Variants in CEP85 observed in about 807,000 individuals in gnomAD.
The protein encoded by CEP85 is centrosomal protein of 85 kDa.
A neutral mutation model predicts 93.7 loss-of-function variants in CEP85; 58 were observed. The observed-to-expected ratio is 0.62, with a 90% confidence interval of 0.50 to 0.77. CEP85 has a LOEUF of 0.77. Ranked by LOEUF, CEP85 falls within the 30% of genes least tolerant of loss-of-function variation. CEP85 has a pLI of 0.00. For synonymous variants in CEP85, 314 were observed against 338.6 expected (o/e 0.93, Z 0.80); for missense variants, 868 against 922.0 (o/e 0.94, Z 0.76).
chr1:26,238,456 A>G (rs2124554553), intron 1 of CEP85, among the ~76,000 whole-genome samples: 1 of 152,048 alleles, frequency 6.6e-6, no homozygotes, highest in Middle Eastern at 3.4e-3. Context: ...TCGGCCTCCC[A>G]AAGTGCTGGG....
chr1:26,271,985 G>C, intron 10 of CEP85, 36 bp from the exon 11 acceptor site: 1 of 1,610,830 alleles, frequency 6.2e-7, no homozygotes, highest in South Asian at 1.1e-5. Context: ...CGTCAGCCTT[G>C]TGCTCGCAGC....
chr1:26,256,800 T>C (rs185133698), intron 4 of CEP85, among the ~76,000 whole-genome samples: 129 of 151,856 alleles, frequency 8.5e-4, no homozygotes, highest in Non-Finnish European at 1.5e-3. Flanking sequence ...GGTTTCACCA[T>C]GCTGGCCCGC....
intron 7 of CEP85, among the ~76,000 whole-genome samples, chr1:26,264,940 C>T (rs981681602): frequency 6.6e-6 from 1 of 150,444 alleles, no homozygotes; most frequent in African/African-American, 2.5e-5. Context: ...CCTCAGCTAC[C>T]TGAGTAGCTG....
intron 7 of CEP85, among the ~76,000 whole-genome samples, chr1:26,267,039 A>G (rs1191198208): frequency 6.6e-6 from 1 of 152,202 alleles, no homozygotes; most frequent in Non-Finnish European, 1.5e-5. Flanking sequence ...TCAGATGCAC[A>G]CCATCTGGAG....
At chr1:26,254,870 A>G (rs2089671571) in intron 3 of CEP85, 1 of 344,934 alleles carries the variant, frequency 2.9e-6, no homozygotes, top group Non-Finnish European at 5.2e-6. Flanking sequence ...TTTTTAAAAA[A>G]CTTTTTAAAA....
intron 8 of CEP85, 164 bp from the exon 9 acceptor site, chr1:26,269,296 T>G: frequency 1.6e-6 from 1 of 634,432 alleles, no homozygotes; most frequent in Non-Finnish European, 2.8e-6. Context: ...TTCTCACCAT[T>G]GTTCCATCTG....
At chr1:26,250,925 C>CCTTTTTTTTTTTTTTTTTTTT (rs2089598435) in intron 3 of CEP85, among the ~76,000 whole-genome samples, 4 of 55,160 alleles carry the variant, frequency 7.3e-5, no homozygotes, top group African/African-American at 2.3e-4. Context: ...TTTTTTTTTT[C>CCTTTTTTTTTTTTTTTTTTTT]TTTTTTCTTT....
intron 3 of CEP85, among the ~76,000 whole-genome samples, chr1:26,253,927 C>G (rs151321002): frequency 1.3e-5 from 2 of 151,678 alleles, no homozygotes; most frequent in Non-Finnish European, 2.9e-5. Context: ...CTGGGGAGGT[C>G]GAGGCTGCAG....
In CEP85 at chr1:26,259,530, T is replaced by C. The variant is rs981061010; in HGVS notation, c.1156-87T>C. ...AAGAGATTCTTGGAGAAAAATGATA[T>C]TTGACCGTGAAGTATGCTGGGAATA... is the stretch of plus-strand genomic sequence containing the variant. On this transcript the variant is annotated intron_variant, in intron 6 of 13. Transcript: ENST00000451429. 8.8e-6 allele frequency: 11 copies of C among 1,246,582 alleles called. No homozygotes were observed. In the East Asian group the frequency reaches 1.5e-4, roughly 16 times the overall value. The allele number at this position is 1,246,582 out of a possible 1,614,324, so 77.2% of individuals were successfully genotyped here.
chr1:26,276,784 G>T (rs577484582), intron 13 of CEP85, 24 bp downstream of exon 13: 9 of 1,577,564 alleles, frequency 5.7e-6, no homozygotes, highest in Admixed American at 1.7e-5. Flanking sequence ...CCAGTCTGGG[G>T]CCCAGGAAGG....
chr1:26,239,825 C>T lies in CEP85; in HGVS notation c.42C>T (p.His14=), dbSNP rs201779964. The T allele has an allele frequency of 1.4e-5, 22 of 1,613,270 alleles. No homozygotes were observed. Among genetic ancestry groups the T allele is most frequent in the South Asian group, 5.5e-5 (5 of 91,072 alleles). ...QEKYPTEGIS[H]VTSPSSDVIQ... ...AATATCCAACTGAGGGGATCTCTCA[C>T]GTCACTTCACCGAGTGAGTAGTCAG... The change falls in exon 2 of 14, where the codon CAC becomes CAT. Residue 14 remains histidine (H), a synonymous_variant. Transcript: ENST00000451429.
chr1:26,235,296 T>A (rs2089307922), intron 1 of CEP85, among the ~76,000 whole-genome samples: 1 of 152,172 alleles, frequency 6.6e-6, no homozygotes, highest in South Asian at 2.1e-4. Context: ...CCAGGCCTCA[T>A]TTATTTGCCC....
intron 9 of CEP85, among the ~76,000 whole-genome samples, chr1:26,270,748 A>T (rs1157774020): frequency 6.6e-6 from 1 of 152,218 alleles, no homozygotes; most frequent in Non-Finnish European, 1.5e-5. Flanking sequence ...TGTATTTTTT[A>T]AATATCAAAA....
intron 11 of CEP85, 145 bp from the exon 12 acceptor site, chr1:26,274,819 C>A: frequency 1.6e-6 from 1 of 626,000 alleles, no homozygotes; most frequent in Non-Finnish European, 2.8e-6. Context: ...TGGGAGGTCA[C>A]AAATCAGGAC....
In CEP85 at chr1:26,255,792, G is replaced by A. The variant is rs748318340; in HGVS notation, c.830G>A (p.Arg277Gln). The change falls in exon 4 of 14, where the codon CGA (arginine) becomes CAA (glutamine). Residue 277 changes from arginine (R) to glutamine (Q), a missense_variant. Arg to Gln is a conservative substitution (Grantham distance 43). Transcript: ENST00000451429. ...CCGAGTCCTGACACTTGGCATCCCC[G>A]AGAGCAATCTTGTGAACTCAGCACT... Reference protein sequence around the residue: ...WQPSPDTWHPREQSCELSTCR... With the variant: ...WQPSPDTWHPQEQSCELSTCR... 4.8e-5 allele frequency: 77 copies of A among 1,614,106 alleles called. No individual in the cohort carries two copies. The East Asian group carries it at 7.8e-4, about 16-fold the overall frequency.
In CEP85 at chr1:26,277,590, A is replaced by G. The variant is rs568109297; in HGVS notation, c.*297A>G. 5 of 260,064 alleles carry G rather than the reference A, an allele frequency of 1.9e-5. No individual in the cohort carries two copies. The highest frequency in any genetic ancestry group is 3.8e-5 in the Non-Finnish European group (5 of 130,054). 16.1% of individuals were successfully genotyped at this position (260,064 alleles called of 1,614,324 possible). On this transcript the variant is annotated 3_prime_UTR_variant, in exon 14 of 14. Transcript: ENST00000451429. Reference sequence around the variant, plus strand: ...AGCCCTAGGCTGACATGAGAGACGAACAGGCTGTCCACCTTTCTTCTCCAT... The same window carrying G: ...AGCCCTAGGCTGACATGAGAGACGAGCAGGCTGTCCACCTTTCTTCTCCAT...
intron 13 of CEP85, 66 bp from the exon 14 acceptor site, chr1:26,277,070 A>C (rs2090063945): frequency 4.6e-6 from 7 of 1,509,608 alleles, no homozygotes; most frequent in African/African-American, 1.4e-5. Flanking sequence ...GCCTATCCAT[A>C]CTGCACCCTC....
At chr1:26,248,599 G>A (rs754750455) in intron 3 of CEP85, among the ~76,000 whole-genome samples, 18 of 150,702 alleles carry the variant, frequency 1.2e-4, no homozygotes, top group Non-Finnish European at 1.5e-4. Flanking sequence ...GGGTTCAAGC[G>A]ATTCTCCTCT....
intron 12 of CEP85, 66 bp from the exon 13 acceptor site, chr1:26,276,469 C>T: frequency 3.8e-6 from 5 of 1,299,918 alleles, no homozygotes; most frequent in East Asian, 2.3e-5. Flanking sequence ...CACCCACACA[C>T]TCATGCACAG....
Sources: allele counts gnomAD v4.1 joint callset (sites outside exome capture counted in the v4.1 genomes callset), GRCh38; gene constraint gnomAD v4.1.1; transcripts MANE v1.5; gene names NCBI Gene and HGNC (gene_info 2026-07-23, HGNC 2026-07-21).